Variants in KIAA1217 observed in about 807,000 individuals in gnomAD.
The protein encoded by KIAA1217 is KIAA1217, also known as sickle tail protein homolog.
KIAA1217 carries 88 observed loss-of-function variants against 163.9 expected under a neutral mutation model. The observed-to-expected ratio is 0.54, with a 90% CI of 0.45 to 0.64. The LOEUF is 0.64. Among genes scored for constraint, KIAA1217 ranks in the 30% least tolerant of loss-of-function variants. The probability of loss-of-function intolerance (pLI) is 0.00; values close to 1 mark genes in which losing one functional copy is unlikely to be tolerated. For missense variants in KIAA1217, 2,372 were observed against 2,475.0 expected, an observed-to-expected ratio of 0.96 and a Z score of 0.88; for synonymous variants, 903 against 923.1, an observed-to-expected ratio of 0.98 and a Z score of 0.39.
chr10:23,766,938 C>A (rs1333366465), intron 1 of KIAA1217, among the ~76,000 whole-genome samples: 2 of 152,144 alleles, frequency 1.3e-5, no homozygotes, highest in Non-Finnish European at 2.9e-5. Context: ...ATTCGTTTAG[C>A]AAACATTCCA....
At chr10:23,731,956 T>G (rs1838502437) in intron 1 of KIAA1217, among the ~76,000 whole-genome samples, 1 of 152,158 alleles carries the variant, frequency 6.6e-6, no homozygotes, top group Non-Finnish European at 1.5e-5. Flanking sequence ...TAAATCTCAC[T>G]TGGTTGTGGT....
intron 1 of KIAA1217, among the ~76,000 whole-genome samples, chr10:23,745,274 A>G (rs1267464983): frequency 6.6e-6 from 1 of 152,256 alleles, no homozygotes; most frequent in African/African-American, 2.4e-5. Flanking sequence ...TATTTTATAA[A>G]TAAACAAATG....
chr10:23,884,067 C>T (rs10764430), intron 1 of KIAA1217, among the ~76,000 whole-genome samples: 28,468 of 151,748 alleles, frequency 0.19, 2,750 homozygotes, highest in Middle Eastern at 0.22. Flanking sequence ...CTATTAGACA[C>T]GTCTGTGTAC....
At chr10:24,112,186 G>A (rs948725377) in intron 2 of KIAA1217, among the ~76,000 whole-genome samples, 4 of 152,102 alleles carry the variant, frequency 2.6e-5, no homozygotes, top group South Asian at 2.1e-4. Context: ...AAAGTAAAAC[G>A]TCACTACATA....
At chr10:23,709,963 G>C (rs117585013) in intron 1 of KIAA1217, among the ~76,000 whole-genome samples, 1 of 152,300 alleles carries the variant, frequency 6.6e-6, no homozygotes, top group East Asian at 1.9e-4. Context: ...TATGTGAAGA[G>C]TTAATTATCT....
intron 3 of KIAA1217, among the ~76,000 whole-genome samples, chr10:24,421,564 T>G (rs1046245007): frequency 6.6e-6 from 1 of 152,202 alleles, no homozygotes; most frequent in Non-Finnish European, 1.5e-5. Context: ...CAGCAAAAAT[T>G]CCAAATTTTA....
At chr10:23,786,775 C>T (rs568358857) in intron 1 of KIAA1217, among the ~76,000 whole-genome samples, 1 of 152,120 alleles carries the variant, frequency 6.6e-6, no homozygotes, top group African/African-American at 2.4e-5. Flanking sequence ...AGAGAGCACA[C>T]AGGAATGATA....
At position 24,473,421 on chromosome 10, in the gene KIAA1217, C is replaced by G; in HGVS notation, c.1040C>G (p.Pro347Arg). Residue 347 changes from proline to arginine, a missense_variant, in exon 6 of 21, where the codon CCC (proline) becomes CGC (arginine). Transcript: ENST00000376454. ...GTTGTTCCTGGCAATGCCACCATCC[C>G]CAGGGACAGAATCTCCAGCCTGCCA... ...SMVVPGNATI[P>R]RDRISSLPVS... 3.1e-6 allele frequency: 5 copies of G among 1,614,078 alleles called. No individual in the cohort carries two copies. Among genetic ancestry groups the G allele is most frequent in the Non-Finnish European group, 4.2e-6 (5 of 1,180,004 alleles).
intron 2 of KIAA1217, among the ~76,000 whole-genome samples, chr10:24,346,059 AC>A (rs1442990447): frequency 6.6e-6 from 1 of 152,048 alleles, no homozygotes; most frequent in Non-Finnish European, 1.5e-5. Context: ...AAAATCATAA[AC>A]CTACTGAAAG....
chr10:24,168,789 C>T (rs540101827), intron 2 of KIAA1217, among the ~76,000 whole-genome samples: 13 of 152,308 alleles, frequency 8.5e-5, no homozygotes, highest in African/African-American at 2.9e-4. Flanking sequence ...AAAGGCTGTC[C>T]TACATAGCAG....
At chr10:23,733,599 AT>A (rs1285091335) in intron 1 of KIAA1217, among the ~76,000 whole-genome samples, 1 of 150,976 alleles carries the variant, frequency 6.6e-6, no homozygotes, top group African/African-American at 2.5e-5. Flanking sequence ...TTGTTTTAAA[AT>A]TCATATTATT....
chr10:23,789,164 G>A (rs532863188), intron 1 of KIAA1217, among the ~76,000 whole-genome samples: 1 of 146,098 alleles, frequency 6.8e-6, no homozygotes, highest in Middle Eastern at 3.2e-3. Context: ...TTTTATTAAG[G>A]TTTTTTTGTA....
At chr10:24,269,920 A>T (rs2076610287) in intron 2 of KIAA1217, among the ~76,000 whole-genome samples, 2 of 152,188 alleles carry the variant, frequency 1.3e-5, no homozygotes. Flanking sequence ...ATTGGAAAAG[A>T]CTATGAGAAG....
At chr10:24,143,486 C>A (rs1438647697) in intron 2 of KIAA1217, among the ~76,000 whole-genome samples, 1 of 152,134 alleles carries the variant, frequency 6.6e-6, no homozygotes, top group Non-Finnish European at 1.5e-5. Context: ...AGGCTTTGAA[C>A]TCCTGACCTC....
At chr10:23,990,915 C>A (rs976415476) in intron 1 of KIAA1217, among the ~76,000 whole-genome samples, 1 of 152,142 alleles carries the variant, frequency 6.6e-6, no homozygotes, top group Non-Finnish European at 1.5e-5. Context: ...CGTTGGAGAA[C>A]AACCTAATAT....
At chr10:24,045,476 T>C (rs1356445572) in intron 2 of KIAA1217, among the ~76,000 whole-genome samples, 1 of 152,014 alleles carries the variant, frequency 6.6e-6, no homozygotes, top group African/African-American at 2.4e-5. Flanking sequence ...CTCCTAGGAG[T>C]TGGCTCTTGA....
At chr10:24,367,814 A>T (rs1312622337) in intron 2 of KIAA1217, among the ~76,000 whole-genome samples, 1 of 152,252 alleles carries the variant, frequency 6.6e-6, no homozygotes, top group Non-Finnish European at 1.5e-5. Context: ...GGGGAGGTAT[A>T]CTATGATCCC....
chr10:23,884,098 A>C (rs942913663), intron 1 of KIAA1217, among the ~76,000 whole-genome samples: 1 of 151,890 alleles, frequency 6.6e-6, no homozygotes, highest in African/African-American at 2.4e-5. Flanking sequence ...GTGGCCATTA[A>C]GTTTTCAACT....
At chr10:23,848,321 G>A (rs1465362040) in intron 1 of KIAA1217, among the ~76,000 whole-genome samples, 3 of 152,008 alleles carry the variant, frequency 2.0e-5, no homozygotes, top group South Asian at 4.1e-4. Context: ...GGGTGTTAAA[G>A]TCTCCCACTA....
Sources: gnomAD v4.1 joint callset for allele counts (sites outside exome capture counted in the v4.1 genomes callset) on GRCh38, gnomAD v4.1.1 for gene constraint, MANE v1.5 for transcripts, NCBI Gene and HGNC (gene_info 2026-07-23, HGNC 2026-07-21) for gene names.